Variants in FAM135B observed in about 807,000 individuals in gnomAD.
FAM135B encodes family with sequence similarity 135 member B.
Under a neutral mutation model 127.7 loss-of-function variants are expected in FAM135B, and 43 were observed. That is an observed-to-expected ratio of 0.34 (90% CI 0.26 to 0.43). FAM135B has a LOEUF of 0.43. Ranked by LOEUF, FAM135B falls within the 20% of genes least tolerant of loss-of-function variation. The pLI is 1.00. For missense variants in FAM135B, 1,558 were observed against 1,725.6 expected, an observed-to-expected ratio of 0.90 and a Z score of 1.72; for synonymous variants, 670 against 665.1, an observed-to-expected ratio of 1.01 and a Z score of -0.11.
intron 3 of FAM135B, among the ~76,000 whole-genome samples, chr8:138,292,371 C>T (rs528153291): frequency 6.6e-6 from 1 of 152,056 alleles, no homozygotes; most frequent in African/African-American, 2.4e-5. Flanking sequence ...TTGATGTAAG[C>T]CCTTACAAAA....
At position 138,146,917 on chromosome 8, in the gene FAM135B, T is replaced by C. The variant is rs373422469; in HGVS notation, c.3449-867A>G. ...TACCCCACAGGTCATAGTTCCAAAATAGTTTGTTAACTGTGAGTGACAAAT... is the reference window on the plus strand; with the variant it reads ...TACCCCACAGGTCATAGTTCCAAAACAGTTTGTTAACTGTGAGTGACAAAT... On this transcript the variant is annotated intron_variant, in intron 14 of 19. Coordinates refer to ENST00000395297, the MANE Select transcript of FAM135B (RefSeq NM_015912.4). 1.1e-4 allele frequency among the ~76,000 whole-genome samples: 16 copies of C among 152,338 alleles called. No individual in the cohort carries two copies. In the South Asian group the frequency reaches 3.1e-3, roughly 30 times the overall value.
In FAM135B at chr8:138,496,808, C is replaced by T. The variant is rs1183693563; in HGVS notation, c.-157G>A. 6.5e-6 allele frequency: 1 copy of T among 152,782 alleles called. No homozygotes were observed. Among genetic ancestry groups the T allele is most frequent in the Non-Finnish European group, 1.5e-5 (1 of 68,478 alleles). 9.5% of individuals were successfully genotyped at this position (152,782 alleles called of 1,614,324 possible). On this transcript the variant is annotated 5_prime_UTR_variant, in exon 1 of 20. Transcript: ENST00000395297. ...GGGCGGACTGGGGAGTCCGCAGCAC[C>T]TGCGAGCTGGTGTTGGGTCCCCGCG...
intron 1 of FAM135B, among the ~76,000 whole-genome samples, chr8:138,419,626 A>C (rs1021864275): frequency 2.2e-4 from 34 of 152,158 alleles, no homozygotes; most frequent in Non-Finnish European, 8.8e-5. Flanking sequence ...ATTCTCAACA[A>C]ATTTTTAAAA....
At chr8:138,280,276 C>T (rs1437187514) in intron 3 of FAM135B, among the ~76,000 whole-genome samples, 1 of 152,230 alleles carries the variant, frequency 6.6e-6, no homozygotes, top group Non-Finnish European at 1.5e-5. Flanking sequence ...TCAGCCAAGG[C>T]TTAGCCCGTT....
intron 7 of FAM135B, among the ~76,000 whole-genome samples, chr8:138,237,965 A>G (rs1820432232): frequency 6.6e-6 from 1 of 152,214 alleles, no homozygotes; most frequent in African/African-American, 2.4e-5. Context: ...CCCCAACTGG[A>G]CCAGGCAGTG....
intron 3 of FAM135B, among the ~76,000 whole-genome samples, chr8:138,272,080 G>C (rs1483791055): frequency 6.6e-6 from 1 of 151,352 alleles, no homozygotes; most frequent in African/African-American, 2.4e-5. Flanking sequence ...CAGGCAATAT[G>C]TTAGACATAA....
chr8:138,428,281 G>C (rs1384868023), intron 1 of FAM135B, among the ~76,000 whole-genome samples: 1 of 152,098 alleles, frequency 6.6e-6, no homozygotes, highest in South Asian at 2.1e-4. Flanking sequence ...TACACAATTA[G>C]GGCCTACAGA....
chr8:138,268,461 T>C (rs1823114828), intron 3 of FAM135B, among the ~76,000 whole-genome samples: 1 of 151,946 alleles, frequency 6.6e-6, no homozygotes, highest in Non-Finnish European at 1.5e-5. Context: ...TTAGGAGGCT[T>C]TCTGGGTCAA....
intron 12 of FAM135B, among the ~76,000 whole-genome samples, chr8:138,158,564 G>T (rs1208380260): frequency 6.6e-6 from 1 of 152,134 alleles, no homozygotes; most frequent in African/African-American, 2.4e-5. Flanking sequence ...CTAAGATCAA[G>T]AATCTACAAA....
At chr8:138,369,348 C>T (rs1187002704) in intron 1 of FAM135B, among the ~76,000 whole-genome samples, 1 of 152,098 alleles carries the variant, frequency 6.6e-6, no homozygotes, top group Non-Finnish European at 1.5e-5. Flanking sequence ...GCCTCAGGGA[C>T]CAGACCATTC....
chr8:138,291,871 A>T (rs918923739), intron 3 of FAM135B, among the ~76,000 whole-genome samples: 7 of 152,164 alleles, frequency 4.6e-5, no homozygotes, highest in Admixed American at 3.9e-4. Context: ...GGAACAAAAC[A>T]AGGGTGTCCA....
chr8:138,202,872 C>G (rs946134646), intron 7 of FAM135B, among the ~76,000 whole-genome samples: 1 of 152,146 alleles, frequency 6.6e-6, no homozygotes, highest in Non-Finnish European at 1.5e-5. Context: ...TAGTGGGGAA[C>G]TCCGCAGGGA....
At chr8:138,321,298 C>G (rs1827438342) in intron 2 of FAM135B, among the ~76,000 whole-genome samples, 2 of 152,134 alleles carry the variant, frequency 1.3e-5, no homozygotes, top group Admixed American at 1.3e-4. Flanking sequence ...TGAGACACAG[C>G]CTCCCACTTC....
At chr8:138,346,955 G>T (rs1208181438) in intron 2 of FAM135B, among the ~76,000 whole-genome samples, 1 of 152,150 alleles carries the variant, frequency 6.6e-6, no homozygotes, top group Non-Finnish European at 1.5e-5. Context: ...CTATCATGAG[G>T]CTTTAGAAGC....
intron 1 of FAM135B, among the ~76,000 whole-genome samples, chr8:138,416,639 G>C (rs771846537): frequency 5.9e-5 from 9 of 152,052 alleles, no homozygotes; most frequent in Non-Finnish European, 1.2e-4. Context: ...TGGAGATACT[G>C]AGCTGAAACC....
At chr8:138,288,532 T>A (rs1053589892) in intron 3 of FAM135B, among the ~76,000 whole-genome samples, 1 of 152,064 alleles carries the variant, frequency 6.6e-6, no homozygotes, top group African/African-American at 2.4e-5. Context: ...GGAATGATCA[T>A]GCCAAGGAGA....
chr8:138,253,291 C>T (rs62532057), intron 5 of FAM135B, among the ~76,000 whole-genome samples: 46,474 of 152,068 alleles, frequency 0.31, 7,980 homozygotes, highest in East Asian at 0.63. Context: ...GCTCCCCATC[C>T]CTGTGCAAAC....
chr8:138,414,363 AG>A (rs1834027588), intron 1 of FAM135B, among the ~76,000 whole-genome samples: 2 of 152,096 alleles, frequency 1.3e-5, no homozygotes, highest in Admixed American at 6.6e-5. Context: ...GAATGAATGG[AG>A]AACAACTTTG....
chr8:138,344,347 G>A (rs984954092), intron 2 of FAM135B, among the ~76,000 whole-genome samples: 1 of 152,102 alleles, frequency 6.6e-6, no homozygotes, highest in African/African-American at 2.4e-5. Context: ...ATCGTAACCC[G>A]GCGCCAGCTC....
Sources: allele counts gnomAD v4.1 joint callset (sites outside exome capture counted in the v4.1 genomes callset), GRCh38; gene constraint gnomAD v4.1.1; transcripts MANE v1.5; gene names NCBI Gene and HGNC (gene_info 2026-07-23, HGNC 2026-07-21).